SYCP2: variants seen among roughly 807,000 people sequenced by gnomAD.
SYCP2 encodes the protein synaptonemal complex lateral element protein.
Under a neutral mutation model 211.3 loss-of-function variants are expected in SYCP2, and 55 were observed. That is an observed-to-expected ratio of 0.26 (90% confidence interval 0.21 to 0.33). The LOEUF (loss-of-function observed/expected upper bound fraction) is 0.33. SYCP2 is among the 10% of genes least tolerant of loss of function. The pLI is 1.00. For synonymous variants in SYCP2, 570 were observed against 555.2 expected (o/e 1.03, Z -0.37); for missense variants, 1,731 against 1,752.0 (o/e 0.99, Z 0.21).
At chr20:59,922,013 G>A (rs1021610628) in intron 3 of SYCP2, among the ~76,000 whole-genome samples, 2 of 151,508 alleles carry the variant, frequency 1.3e-5, no homozygotes, top group African/African-American at 2.4e-5. Context: ...CACTAAACAG[G>A]TTTGGCTGTG....
chr20:59,877,763 A>AG (rs1462321207), intron 32 of SYCP2, among the ~76,000 whole-genome samples: 13 of 152,166 alleles, frequency 8.5e-5, no homozygotes, highest in African/African-American at 3.1e-4. Flanking sequence ...TAAGTCCCTG[A>AG]GAAGCCTGAT....
chr20:59,882,780 G>A (rs1341156394), intron 26 of SYCP2, among the ~76,000 whole-genome samples: 1 of 151,988 alleles, frequency 6.6e-6, no homozygotes, highest in African/African-American at 2.4e-5. Flanking sequence ...GCCAGGAAGA[G>A]TAGGAAGGAG....
In SYCP2 at chr20:59,921,533, G is replaced by T. The variant is rs78066744; in HGVS notation, c.25-80C>A. The T allele has an allele frequency of 3.0e-4, 301 of 1,015,890 alleles. 3 individuals carry two copies. The Middle Eastern group carries it at 0.012, about 42-fold the overall frequency. 62.9% of individuals were successfully genotyped at this position (1,015,890 alleles called of 1,614,324 possible). On this transcript the variant is annotated intron_variant, in intron 3 of 44. Transcript: ENST00000357552. ...TATGCAATCTAGTAATTTGAGAACCGTTTTCACATGAAAACTCTCAAATGA... is the reference window on the plus strand; with the variant it reads ...TATGCAATCTAGTAATTTGAGAACCTTTTTCACATGAAAACTCTCAAATGA...
chr20:59,920,988 A>C (rs570791448), intron 4 of SYCP2, among the ~76,000 whole-genome samples: 135 of 151,768 alleles, frequency 8.9e-4, no homozygotes, highest in African/African-American at 3.0e-3. Context: ...GTATACACTG[A>C]TAGGTTTTTT....
chr20:59,885,822 G>A, intron 26 of SYCP2, 106 bp downstream of exon 26: 2 of 875,356 alleles, frequency 2.3e-6, no homozygotes, highest in East Asian at 2.7e-5. Context: ...GCAATATTCT[G>A]AAAACATCGT....
Position 59,885,654 on chromosome 20 carries a change from A to G in SYCP2, c.2529+274T>C, listed in dbSNP as rs571648080. Among the ~76,000 whole-genome samples, 437 of 152,198 alleles carry G rather than the reference A, an allele frequency of 2.9e-3. 2 individuals carry two copies. The highest frequency in any genetic ancestry group is 9.7e-3 in the African/African-American group (402 of 41,558). On this transcript the variant is annotated intron_variant, in intron 26 of 44. Coordinates refer to ENST00000357552, the MANE Select transcript of SYCP2 (RefSeq NM_014258.4). ...ATTAAAAAAATACACACACACACAC[A>G]CGCGCGCACGCGCGATAAGGATATA...
At chr20:59,902,151 AAAACAATAACTTT>A (rs1234872547) in intron 15 of SYCP2, among the ~76,000 whole-genome samples, 2 of 152,162 alleles carry the variant, frequency 1.3e-5, no homozygotes, top group Admixed American at 6.6e-5. Context: ...AAGGCAAACA[AAAACAATAACTTT>A]AATTCCATAT....
chr20:59,881,362 A>AAACT, intron 29 of SYCP2, 75 bp downstream of exon 29: 1 of 800,116 alleles, frequency 1.2e-6, no homozygotes, highest in Non-Finnish European at 2.0e-6. Context: ...ATTTGTTAAA[A>AAACT]AACTCTAAGA....
At chr20:59,910,537 C>T (rs958932730) in intron 14 of SYCP2, among the ~76,000 whole-genome samples, 6 of 151,588 alleles carry the variant, frequency 4.0e-5, no homozygotes, top group East Asian at 2.0e-4. Flanking sequence ...CCTGCCACCA[C>T]GCCCAGCTTA....
In SYCP2 at chr20:59,907,417, T is replaced by G; in HGVS notation, c.980A>C (p.Gln327Pro). 6.2e-7 allele frequency: 1 copy of G among 1,611,092 alleles called. No individual in the cohort carries two copies. Among genetic ancestry groups the G allele is most frequent in the Non-Finnish European group, 8.5e-7 (1 of 1,178,128 alleles). ...CTCTGGCACAGTAACTGCTTCCCATTGATGATCCTTAAATTTAAAAGCAGG... is the reference window on the plus strand; with the variant it reads ...CTCTGGCACAGTAACTGCTTCCCATGGATGATCCTTAAATTTAAAAGCAGG... ...FYIAGDNDDH[Q>P]WEAVTVPEEK... is the part of the protein sequence containing the mutation. Residue 327 changes from glutamine (Q) to proline (P), a missense_variant, in exon 15 of 45, where the codon CAA becomes CCA. Physicochemically the swap from Gln to Pro is moderately conservative, Grantham distance 76 (BLOSUM62 -1). Coordinates refer to ENST00000357552, the MANE Select transcript of SYCP2 (RefSeq NM_014258.4).
Position 59,925,637 on chromosome 20 carries a change from AAG to A in SYCP2, c.-46-3180_-46-3179del, listed in dbSNP as rs372215952. Among the ~76,000 whole-genome samples the A allele has an allele frequency of 5.0e-3, 765 of 151,780 alleles. 5 individuals are homozygous for A. Among genetic ancestry groups the A allele is most frequent in the African/African-American group, 0.018 (730 of 41,486 alleles). On this transcript the variant is annotated intron_variant, in intron 2 of 44. Transcript: ENST00000357552. The stretch of plus-strand genomic sequence containing the variant: ...ATAGCCTCTGACCTTCCACCTTCAA[AAG>A]AGTCTATAACTCTGACCAGTTGCCT...
At chr20:59,929,807 C>G (rs991208400) in intron 2 of SYCP2, among the ~76,000 whole-genome samples, 1 of 150,996 alleles carries the variant, frequency 6.6e-6, no homozygotes, top group Admixed American at 6.6e-5. Context: ...GAAAATAACC[C>G]TAGGGATAGG....
chr20:59,932,476 G>C (rs2060772907), intron 1 of SYCP2, among the ~76,000 whole-genome samples: 1 of 152,114 alleles, frequency 6.6e-6, no homozygotes, highest in Non-Finnish European at 1.5e-5. Context: ...AGGAGTTCGA[G>C]ACCAGCCGGG....
intron 26 of SYCP2, among the ~76,000 whole-genome samples, chr20:59,885,623 T>C (rs992834302): frequency 2.6e-5 from 4 of 151,920 alleles, no homozygotes; most frequent in African/African-American, 9.7e-5. Context: ...AGAAATGGGA[T>C]TGGCTATTAA....
intron 31 of SYCP2, 81 bp downstream of exon 31, chr20:59,880,222 T>C: frequency 8.9e-7 from 1 of 1,123,770 alleles, no homozygotes; most frequent in East Asian, 2.6e-5. Flanking sequence ...CTAAATACAA[T>C]AAGCTTATAT....
At chr20:59,870,317 G>A (rs2145608061) in intron 35 of SYCP2, among the ~76,000 whole-genome samples, 1 of 151,828 alleles carries the variant, frequency 6.6e-6, no homozygotes, top group East Asian at 1.9e-4. Context: ...TGTCTATACA[G>A]AAAAGCCAAG....
At chr20:59,908,121 C>A (rs553668624) in intron 14 of SYCP2, among the ~76,000 whole-genome samples, 2 of 151,960 alleles carry the variant, frequency 1.3e-5, no homozygotes, top group East Asian at 3.9e-4. Flanking sequence ...TGGTGGTGGG[C>A]GCCTGTAGTT....
intron 26 of SYCP2, among the ~76,000 whole-genome samples, chr20:59,884,907 C>T (rs1038110066): frequency 1.2e-4 from 18 of 151,654 alleles, no homozygotes; most frequent in African/African-American, 4.4e-4. Context: ...TTAAAAGGTA[C>T]CAAAACACTC....
At chr20:59,892,834 T>C (rs2145737222) in intron 22 of SYCP2, 133 bp from the exon 23 acceptor site, 4 of 742,402 alleles carry the variant, frequency 5.4e-6, no homozygotes, top group South Asian at 2.4e-5. Context: ...TATCTTATCT[T>C]ACAGTTCTAC....
Sources: allele counts gnomAD v4.1 joint callset (sites outside exome capture counted in the v4.1 genomes callset), GRCh38; gene constraint gnomAD v4.1.1; transcripts MANE v1.5; gene names NCBI Gene and HGNC (gene_info 2026-07-23, HGNC 2026-07-21).